The following GALNT13 variants were observed in gnomAD, a reference collection of about 807,000 sequenced individuals.
The protein encoded by GALNT13 is UDP-GalNAc:polypeptide N-acetylgalactosaminyltransferase 13.
GALNT13 carries 28 observed loss-of-function variants against 64.2 expected under a neutral mutation model. The ratio of observed to expected loss-of-function variants is 0.44; its 90% CI spans 0.32 to 0.60. The LOEUF (loss-of-function observed/expected upper bound fraction) is 0.60. Ranked by LOEUF, GALNT13 falls within the 20% of genes least tolerant of loss-of-function variation. GALNT13 has a pLI of 0.05. For missense variants in GALNT13, 577 were observed against 669.8 expected (o/e 0.86, Z 1.53); for synonymous variants, 214 against 224.6 (o/e 0.95, Z 0.42).
chr2:154,196,291 T>G (rs1401991475), intron 4 of GALNT13, among the ~76,000 whole-genome samples: 4 of 152,114 alleles, frequency 2.6e-5, no homozygotes, highest in Non-Finnish European at 4.4e-5. Flanking sequence ...CAGAGAACTC[T>G]GGGCTTTTTA....
the GALNT13 span, among the ~76,000 whole-genome samples, chr2:153,666,081 T>G: frequency 7.2e-5 from 11 of 152,196 alleles, no homozygotes; most frequent in East Asian, 2.1e-3. Context: ...CTGGGGTGCC[T>G]GCCTGGCCAT....
the GALNT13 span, among the ~76,000 whole-genome samples, chr2:153,752,805 C>G: frequency 1.3e-5 from 2 of 151,966 alleles, no homozygotes; most frequent in South Asian, 4.2e-4. Context: ...TTGGGAAGTT[C>G]TCTGTTATTA....
the GALNT13 span, among the ~76,000 whole-genome samples, chr2:153,549,924 T>C: frequency 2.0e-5 from 3 of 152,240 alleles, no homozygotes; most frequent in African/African-American, 7.2e-5. Context: ...CTTGGTTTTT[T>C]GAAGATCTTT....
chr2:153,760,918 T>C, the GALNT13 span, among the ~76,000 whole-genome samples: 4 of 152,160 alleles, frequency 2.6e-5, no homozygotes, highest in Non-Finnish European at 5.9e-5. Context: ...CAACGTTGGG[T>C]GTATTATGTA....
At chr2:153,972,325 C>G (rs1043329928) in intron 3 of GALNT13, among the ~76,000 whole-genome samples, 1 of 152,020 alleles carries the variant, frequency 6.6e-6, no homozygotes, top group African/African-American at 2.4e-5. Flanking sequence ...TGTCCCAAAT[C>G]GCAAAGTGAT....
At chr2:154,110,402 C>CAG (rs1702919190) in intron 3 of GALNT13, among the ~76,000 whole-genome samples, 1 of 56,168 alleles carries the variant, frequency 1.8e-5, no homozygotes, top group Non-Finnish European at 3.6e-5. Flanking sequence ...GAGAGAGAGA[C>CAG]AGAGAGAGAG....
the GALNT13 span, among the ~76,000 whole-genome samples, chr2:153,547,996 C>T: frequency 6.6e-6 from 1 of 152,194 alleles, no homozygotes; most frequent in Admixed American, 6.5e-5. Context: ...AGTTGACATC[C>T]AATAATTGCT....
chr2:153,399,776 T>C, the GALNT13 span, among the ~76,000 whole-genome samples: 1 of 152,238 alleles, frequency 6.6e-6, no homozygotes, highest in Non-Finnish European at 1.5e-5. Flanking sequence ...ATTGATTTTG[T>C]ATCCTGGGAC....
chr2:154,043,455 T>TATATATATATATATATACATACAC (rs1341373277), intron 3 of GALNT13, among the ~76,000 whole-genome samples: 2 of 105,004 alleles, frequency 1.9e-5, no homozygotes, highest in Non-Finnish European at 3.6e-5. Flanking sequence ...TATATATATA[T>TATATATATATATATATACATACAC]ACACACATGT....
intron 3 of GALNT13, among the ~76,000 whole-genome samples, chr2:154,064,133 A>C (rs1700336236): frequency 6.6e-6 from 1 of 152,184 alleles, no homozygotes; most frequent in Non-Finnish European, 1.5e-5. Context: ...CTGTCACAAC[A>C]GAAAGCAAAA....
intron 2 of GALNT13, among the ~76,000 whole-genome samples, chr2:153,930,486 C>T (rs1383707808): frequency 6.6e-6 from 1 of 152,096 alleles, no homozygotes; most frequent in Non-Finnish European, 1.5e-5. Flanking sequence ...GTCTATAGTC[C>T]ATCTTGAGTT....
At chr2:154,025,697 C>G (rs747002501) in intron 3 of GALNT13, among the ~76,000 whole-genome samples, 1 of 152,176 alleles carries the variant, frequency 6.6e-6, no homozygotes, top group Non-Finnish European at 1.5e-5. Context: ...ATTACTCACT[C>G]TGTACCAAAC....
At chr2:153,950,055 A>G (rs1692058150) in intron 3 of GALNT13, among the ~76,000 whole-genome samples, 1 of 72,876 alleles carries the variant, frequency 1.4e-5, no homozygotes, top group Non-Finnish European at 2.8e-5. Flanking sequence ...TAAAACATAA[A>G]AAAATTACTG....
At chr2:153,239,499 G>A in the GALNT13 span, among the ~76,000 whole-genome samples, 2 of 152,030 alleles carry the variant, frequency 1.3e-5, no homozygotes, top group South Asian at 2.1e-4. Flanking sequence ...GTGGAGGTAT[G>A]GTCTTTCTAT....
chr2:153,580,524 TA>T, the GALNT13 span, among the ~76,000 whole-genome samples: 1 of 152,006 alleles, frequency 6.6e-6, no homozygotes, highest in African/African-American at 2.4e-5. Flanking sequence ...AAGTTTTTTC[TA>T]AAAAAATCTA....
intron 3 of GALNT13, among the ~76,000 whole-genome samples, chr2:153,989,253 AG>A (rs1695008949): frequency 1.3e-5 from 2 of 152,116 alleles, no homozygotes; most frequent in South Asian, 4.1e-4. Flanking sequence ...ATACGGTCAT[AG>A]ATCTGCATTG....
intron 11 of GALNT13, among the ~76,000 whole-genome samples, chr2:154,430,961 G>A (rs951846473): frequency 3.3e-5 from 5 of 152,126 alleles, no homozygotes; most frequent in East Asian, 3.9e-4. Context: ...GCTACTGCAC[G>A]CTTAATATGG....
the GALNT13 span, among the ~76,000 whole-genome samples, chr2:153,728,888 A>G: frequency 6.6e-6 from 1 of 152,226 alleles, no homozygotes; most frequent in Admixed American, 6.5e-5. Flanking sequence ...GAAAATCTAG[A>G]AGAAATTGAT....
intron 2 of GALNT13, among the ~76,000 whole-genome samples, chr2:153,932,574 T>C (rs927517124): frequency 1.3e-5 from 2 of 151,750 alleles, no homozygotes; most frequent in African/African-American, 4.8e-5. Flanking sequence ...TCCATGTAAT[T>C]GTATGTTTTT....
Sources: allele counts gnomAD v4.1 joint callset (sites outside exome capture counted in the v4.1 genomes callset), GRCh38; gene constraint gnomAD v4.1.1; transcripts MANE v1.5; gene names NCBI Gene and HGNC (gene_info 2026-07-23, HGNC 2026-07-21).